USH2A: variants seen among roughly 807,000 people sequenced by gnomAD.
USH2A encodes Usher syndrome 2A (autosomal recessive, mild).
In USH2A, 443 loss-of-function variants were observed where a neutral mutation model predicts 538.9. The observed-to-expected ratio is 0.82, with a 90% CI of 0.76 to 0.89. The LOEUF (loss-of-function observed/expected upper bound fraction) is 0.89, where lower values mean the gene tolerates loss of function less well. Among genes scored for constraint, USH2A ranks in the 40% least tolerant of loss-of-function variants. USH2A has a pLI of 0.00. For missense variants in USH2A, 6,633 were observed against 6,324.8 expected, an observed-to-expected ratio of 1.05 and a Z score of -1.65; for synonymous variants, 2,413 against 2,273.5, an observed-to-expected ratio of 1.06 and a Z score of -1.75.
chr1:216,321,322 G>A (rs1328028125), intron 9 of USH2A, among the ~76,000 whole-genome samples: 1 of 152,044 alleles, frequency 6.6e-6, no homozygotes, highest in African/African-American at 2.4e-5. Context: ...TAAAGATGAA[G>A]CTAAAATTCC....
chr1:216,017,137 C>CCT (rs1442992216), intron 32 of USH2A, among the ~76,000 whole-genome samples: 17 of 151,826 alleles, frequency 1.1e-4, no homozygotes, highest in East Asian at 7.7e-4. Context: ...AGAGAAAGCC[C>CCT]CTCGTTTCAT....
intron 59 of USH2A, among the ~76,000 whole-genome samples, chr1:215,742,426 T>C (rs1281849625): frequency 1.3e-5 from 2 of 152,096 alleles, no homozygotes; most frequent in Non-Finnish European, 2.9e-5. Context: ...TGAGATCATA[T>C]ATATCATATG....
intron 4 of USH2A, among the ~76,000 whole-genome samples, chr1:216,363,127 G>A (rs552381038): frequency 1.3e-5 from 2 of 151,800 alleles, no homozygotes; most frequent in Non-Finnish European, 2.9e-5. Flanking sequence ...ATCTAATACT[G>A]TACAGTCCTA....
chr1:216,367,784 C>T (rs1231799158), intron 3 of USH2A, among the ~76,000 whole-genome samples: 2 of 152,184 alleles, frequency 1.3e-5, no homozygotes, highest in African/African-American at 2.4e-5. Context: ...TGATCTGGGG[C>T]CCCATCACCC....
intron 50 of USH2A, among the ~76,000 whole-genome samples, chr1:215,796,111 C>T (rs1662126966): frequency 6.6e-6 from 1 of 152,120 alleles, no homozygotes; most frequent in African/African-American, 2.4e-5. Context: ...TCTGAGTCTG[C>T]ATTCGATCTG....
chr1:216,076,839 G>T (rs553941589), intron 27 of USH2A, among the ~76,000 whole-genome samples: 1 of 152,244 alleles, frequency 6.6e-6, no homozygotes, highest in South Asian at 2.1e-4. Flanking sequence ...ACCATTCAGG[G>T]TATGTAGATT....
At chr1:216,171,576 C>G (rs2034277736) in intron 21 of USH2A, among the ~76,000 whole-genome samples, 1 of 151,944 alleles carries the variant, frequency 6.6e-6, no homozygotes, top group Non-Finnish European at 1.5e-5. Context: ...ATAGTAGGCA[C>G]TTAATAAATA....
chr1:216,247,305 T>C, intron 12 of USH2A, 79 bp from the exon 13 acceptor site: 4 of 1,554,326 alleles, frequency 2.6e-6, no homozygotes, highest in South Asian at 1.1e-5. Context: ...ACAATGCTAC[T>C]GCAGATGATA....
At chr1:215,652,663 CCTGT>C (rs1657119280) in intron 64 of USH2A, among the ~76,000 whole-genome samples, 1 of 152,126 alleles carries the variant, frequency 6.6e-6, no homozygotes, top group African/African-American at 2.4e-5. Context: ...GAGGAGGGTT[CCTGT>C]CTCCTCACTG....
chr1:215,843,453 C>G (rs1663748060), intron 46 of USH2A, among the ~76,000 whole-genome samples: 1 of 152,044 alleles, frequency 6.6e-6, no homozygotes, highest in African/African-American at 2.4e-5. Flanking sequence ...GTTTTATATG[C>G]CTTAGTATTC....
intron 11 of USH2A, among the ~76,000 whole-genome samples, chr1:216,288,364 G>C (rs567701906): frequency 6.6e-6 from 1 of 152,096 alleles, no homozygotes; most frequent in South Asian, 2.1e-4. Context: ...ATTGACACAT[G>C]ATGGTTACTC....
intron 38 of USH2A, among the ~76,000 whole-genome samples, chr1:215,912,490 T>TGTGTATATATATATATATATAC (rs1665825075): frequency 9.2e-5 from 3 of 32,602 alleles, no homozygotes; most frequent in South Asian, 1.1e-3. Flanking sequence ...TATATATATA[T>TGTGTATATATATATATATATAC]GTGTATATAT....
chr1:215,653,824 C>T (rs1209142047), intron 64 of USH2A, among the ~76,000 whole-genome samples: 1 of 152,028 alleles, frequency 6.6e-6, no homozygotes, highest in East Asian at 1.9e-4. Flanking sequence ...CTTATGATTC[C>T]CACTGAGAAA....
intron 13 of USH2A, among the ~76,000 whole-genome samples, chr1:216,239,340 C>A (rs564612138): frequency 1.3e-5 from 2 of 152,186 alleles, no homozygotes; most frequent in Non-Finnish European, 2.9e-5. Flanking sequence ...CACCACAGAC[C>A]TTTGCTAGGC....
rs924525524 is a variant in USH2A at position 216,030,304 on chromosome 1, T to C, written c.6325+16127A>G. ...ACAGATATATAATATATAAGATATA[T>C]AGATATATATCACAGATATATAATA... On this transcript the variant is annotated intron_variant, in intron 32 of 71. Transcript: ENST00000307340. Among the ~76,000 whole-genome samples, 3 of 136,814 alleles carry C rather than the reference T, an allele frequency of 2.2e-5. No individual in the cohort carries two copies. The Admixed American group carries it at 2.3e-4, about 11-fold the overall frequency. 89.8% of individuals were successfully genotyped at this position (136,814 alleles called of 152,430 possible).
rs568031949 is a variant in USH2A at position 215,928,137 on chromosome 1, T to A, written c.7300+6479A>T. Among the ~76,000 whole-genome samples the A allele has an allele frequency of 3.2e-4, 48 of 152,170 alleles. 1 individual carries two copies. In the South Asian group the frequency reaches 1.0e-2, roughly 32 times the overall value. On this transcript the variant is annotated intron_variant, in intron 38 of 71. Transcript: ENST00000307340. ...AGTTTCTACTCTCACAGTTCAAAGT[T>A]ACAAGCAGAAATCAGAATACCCAAG...
rs140488750 is a variant in USH2A at position 216,275,874 on chromosome 1, T to C, written c.1971+13406A>G. On this transcript the variant is annotated intron_variant, in intron 11 of 71. Transcript: ENST00000307340. The stretch of plus-strand genomic sequence containing the variant: ...TTAGGATGAAATTAATAGGATTTGA[T>C]ACAATAATTCACAAACAAATGGGTA... Among the ~76,000 whole-genome samples the C allele has an allele frequency of 2.6e-5, 4 of 152,282 alleles. No homozygotes were observed. The East Asian group carries it at 7.7e-4, about 29-fold the overall frequency.
At chr1:215,778,646 A>G (rs1304070581) in intron 55 of USH2A, among the ~76,000 whole-genome samples, 1 of 152,118 alleles carries the variant, frequency 6.6e-6, no homozygotes, top group Non-Finnish European at 1.5e-5. Context: ...TATCTGTGCT[A>G]TCAACACCCC....
chr1:215,892,295 T>C (rs1052168983), intron 40 of USH2A, among the ~76,000 whole-genome samples: 1 of 152,206 alleles, frequency 6.6e-6, no homozygotes, highest in African/African-American at 2.4e-5. Flanking sequence ...AGTTTTCTTG[T>C]TACATTCTCA....
Sources: allele counts gnomAD v4.1 joint callset (sites outside exome capture counted in the v4.1 genomes callset), GRCh38; gene constraint gnomAD v4.1.1; transcripts MANE v1.5; gene names NCBI Gene and HGNC (gene_info 2026-07-23, HGNC 2026-07-21).